The following ROBO1 variants were observed in gnomAD, a reference collection of about 807,000 sequenced individuals.
The protein encoded by ROBO1 is roundabout homolog 1.
In ROBO1, 149 loss-of-function variants were observed where a neutral mutation model predicts 195.9. The observed-to-expected ratio is 0.76, with a 90% CI of 0.67 to 0.87. ROBO1 has a LOEUF of 0.87. ROBO1 is among the 40% of genes least tolerant of loss of function. The probability of loss-of-function intolerance (pLI) is 0.00; values close to 1 mark genes in which losing one functional copy is unlikely to be tolerated. For synonymous variants in ROBO1, 816 were observed against 733.2 expected (o/e 1.11, Z -1.82); for missense variants, 1,933 against 2,068.3 (o/e 0.93, Z 1.27).
At chr3:79,208,967 A>AT (rs1345539818) in intron 2 of ROBO1, among the ~76,000 whole-genome samples, 7 of 152,124 alleles carry the variant, frequency 4.6e-5, no homozygotes, top group Admixed American at 2.0e-4. Context: ...TGGGCTTCAA[A>AT]TTGGCACAAT....
chr3:79,392,247 C>G (rs1414999441), intron 2 of ROBO1, among the ~76,000 whole-genome samples: 1 of 152,148 alleles, frequency 6.6e-6, no homozygotes, highest in African/African-American at 2.4e-5. Flanking sequence ...CATTGCTTCA[C>G]CAAATAAGGT....
At chr3:78,989,430 A>G (rs2077185269) in intron 3 of ROBO1, among the ~76,000 whole-genome samples, 2 of 152,214 alleles carry the variant, frequency 1.3e-5, no homozygotes, top group Admixed American at 6.5e-5. Context: ...CCTGGCCAAC[A>G]TGGCAAAACC....
chr3:79,263,147 A>T (rs1188620339), intron 2 of ROBO1, among the ~76,000 whole-genome samples: 1 of 152,078 alleles, frequency 6.6e-6, no homozygotes, highest in Non-Finnish European at 1.5e-5. Context: ...CAGCTATGAA[A>T]TCTGCGCTCT....
At chr3:79,746,987 C>T (rs1703904945) in intron 1 of ROBO1, among the ~76,000 whole-genome samples, 1 of 151,980 alleles carries the variant, frequency 6.6e-6, no homozygotes, top group Non-Finnish European at 1.5e-5. Flanking sequence ...TGGGCTTAAA[C>T]TCTTATTTAA....
intron 2 of ROBO1, among the ~76,000 whole-genome samples, chr3:79,261,025 C>G (rs2082929360): frequency 6.6e-6 from 1 of 151,992 alleles, no homozygotes; most frequent in Non-Finnish European, 1.5e-5. Flanking sequence ...CTGAAGTTAC[C>G]ATTTTTAGTG....
intron 2 of ROBO1, among the ~76,000 whole-genome samples, chr3:79,243,019 T>G (rs1419509206): frequency 7.6e-6 from 1 of 131,216 alleles, no homozygotes; most frequent in Non-Finnish European, 1.6e-5. Context: ...GTGTGTGATG[T>G]TCCCCTTCCT....
At chr3:79,631,469 A>G (rs751948701) in intron 1 of ROBO1, among the ~76,000 whole-genome samples, 2 of 151,976 alleles carry the variant, frequency 1.3e-5, no homozygotes, top group African/African-American at 2.4e-5. Context: ...ATCTCTTACC[A>G]TATAGAAAAA....
intron 4 of ROBO1, among the ~76,000 whole-genome samples, chr3:78,925,902 G>A (rs560238601): frequency 5.3e-5 from 8 of 151,384 alleles, no homozygotes; most frequent in Non-Finnish European, 7.4e-5. Context: ...ACAGAGTATC[G>A]CTCTGTTGCC....
chr3:79,652,191 T>C (rs1946030636), intron 1 of ROBO1, among the ~76,000 whole-genome samples: 1 of 152,164 alleles, frequency 6.6e-6, no homozygotes, highest in Non-Finnish European at 1.5e-5. Flanking sequence ...TCTTGTTGTC[T>C]TGGTGAGATT....
At chr3:79,117,477 G>T (rs1310154539) in intron 3 of ROBO1, among the ~76,000 whole-genome samples, 2 of 152,184 alleles carry the variant, frequency 1.3e-5, no homozygotes, top group Non-Finnish European at 2.9e-5. Flanking sequence ...GTCAAGATGG[G>T]ACATCTCTTG....
intron 2 of ROBO1, among the ~76,000 whole-genome samples, chr3:79,427,877 C>T (rs1030474465): frequency 6.6e-6 from 1 of 152,112 alleles, no homozygotes; most frequent in Non-Finnish European, 1.5e-5. Flanking sequence ...GGACATTGGA[C>T]TGGGCAAAGA....
intron 2 of ROBO1, among the ~76,000 whole-genome samples, chr3:79,582,810 C>A (rs1455761739): frequency 1.3e-5 from 2 of 151,910 alleles, no homozygotes; most frequent in Non-Finnish European, 1.5e-5. Context: ...TTCTACCAAC[C>A]AAATAAGTTC....
intron 2 of ROBO1, among the ~76,000 whole-genome samples, chr3:79,202,624 A>G (rs1039795942): frequency 2.0e-5 from 3 of 151,278 alleles, no homozygotes; most frequent in African/African-American, 7.3e-5. Flanking sequence ...AAAAAAAAAG[A>G]GAAATACTTT....
rs1394247494 is a variant in ROBO1, at chr3:79,550,168, G to GA, written c.88+39655dup. ...AAAAGAAAGGAAGAAAGAAAGAAAG[G>GA]AAGAAAGAAAGAAAGAAAGAAAGAA... On this transcript the variant is annotated intron_variant, in intron 2 of 30. Coordinates refer to ENST00000464233, the MANE Select transcript of ROBO1 (RefSeq NM_002941.4). Among the ~76,000 whole-genome samples, 16 of 96,894 alleles carry GA rather than the reference G, an allele frequency of 1.7e-4. 1 individual carries two copies. Among genetic ancestry groups the GA allele is most frequent in the East Asian group, 3.0e-4 (1 of 3,280 alleles). 63.6% of individuals were successfully genotyped at this position (96,894 alleles called of 152,430 possible).
chr3:78,656,744 T>C (rs780533875), intron 18 of ROBO1, among the ~76,000 whole-genome samples: 7 of 152,154 alleles, frequency 4.6e-5, no homozygotes, highest in Non-Finnish European at 8.8e-5. Context: ...GCTCAATTAA[T>C]AGCATTTGTT....
intron 3 of ROBO1, among the ~76,000 whole-genome samples, chr3:79,058,215 T>C (rs768899965): frequency 2.6e-5 from 4 of 152,038 alleles, no homozygotes; most frequent in Non-Finnish European, 4.4e-5. Context: ...AAATGAGTCA[T>C]ATGGTTTAGT....
At chr3:78,945,698 G>C (rs932153848) in intron 3 of ROBO1, among the ~76,000 whole-genome samples, 1 of 152,114 alleles carries the variant, frequency 6.6e-6, no homozygotes, top group African/African-American at 2.4e-5. Flanking sequence ...AGAGAAGAAG[G>C]CTTCAGACGA....
chr3:78,622,230 A>C (rs910784498), intron 26 of ROBO1, among the ~76,000 whole-genome samples: 1 of 152,290 alleles, frequency 6.6e-6, no homozygotes, highest in African/African-American at 2.4e-5. Flanking sequence ...ATAATACCAA[A>C]ATTGAAATAT....
In ROBO1 at chr3:79,617,243, C is replaced by T. The variant is rs138165104; in HGVS notation, c.-50-27282G>A. Among the ~76,000 whole-genome samples the T allele has an allele frequency of 3.7e-3, 568 of 152,170 alleles. 5 individuals are homozygous for T. Among genetic ancestry groups the T allele is most frequent in the Middle Eastern group, 0.031 (9 of 294 alleles). ...CATCTTCAGGGTGTTTGAGAGTGAGCCAGCTCTTAGTTGTAATTGCCATCT... is the reference window on the plus strand; with the variant it reads ...CATCTTCAGGGTGTTTGAGAGTGAGTCAGCTCTTAGTTGTAATTGCCATCT... On this transcript the variant is annotated intron_variant, in intron 1 of 30. Coordinates refer to ENST00000464233, the MANE Select transcript of ROBO1 (RefSeq NM_002941.4).
Sources: allele counts gnomAD v4.1 joint callset (sites outside exome capture counted in the v4.1 genomes callset), GRCh38; gene constraint gnomAD v4.1.1; transcripts MANE v1.5; gene names NCBI Gene and HGNC (gene_info 2026-07-23, HGNC 2026-07-21).